The following GDAP2 variants were observed in gnomAD, a reference collection of about 807,000 sequenced individuals.
GDAP2 encodes ganglioside-induced differentiation-associated protein 2.
Under a neutral mutation model 67.0 loss-of-function variants are expected in GDAP2, and 51 were observed. That is an observed-to-expected ratio of 0.76 (90% CI 0.61 to 0.96). GDAP2 has a LOEUF of 0.96. Among genes scored for constraint, GDAP2 ranks in the 40% least tolerant of loss-of-function variants. The pLI, the probability that GDAP2 is intolerant of heterozygous loss-of-function variation, is 0.00. For synonymous variants in GDAP2, 203 were observed against 207.3 expected (o/e 0.98, Z 0.18); for missense variants, 547 against 588.3 (o/e 0.93, Z 0.73).
chr1:117,912,114 T>G (rs769936971), intron 4 of GDAP2, 32 bp from the exon 5 acceptor site: 5 of 1,261,796 alleles, frequency 4.0e-6, no homozygotes, highest in Non-Finnish European at 5.8e-6. Context: ...AAAATTGCAC[T>G]AGAAATATCA....
intron 2 of GDAP2, among the ~76,000 whole-genome samples, chr1:117,919,594 GA>G (rs1650170749): frequency 6.6e-6 from 1 of 152,078 alleles, no homozygotes; most frequent in African/African-American, 2.4e-5. Context: ...TTGGGCTGAT[GA>G]AAATGTTCTA....
chr1:117,884,735 T>A (rs1275613681), intron 10 of GDAP2, among the ~76,000 whole-genome samples: 1 of 151,972 alleles, frequency 6.6e-6, no homozygotes, highest in Non-Finnish European at 1.5e-5. Flanking sequence ...AAAATGAGGG[T>A]CACACTGATT....
In GDAP2 at chr1:117,887,725, C is replaced by G. The variant is rs1648914496; in HGVS notation, c.1003G>C (p.Ala335Pro). The stretch of plus-strand genomic sequence containing the variant: ...GTTTGGTATAAGGCTTTTAGAGAAG[C>G]AATATCAGACAGATCCTCAGATCTT... ...QARSEDLSDI[A>P]SLKALYQTGV... The change falls in exon 9 of 14, where the codon GCT becomes CCT. Residue 335 changes from alanine to proline, a missense_variant. Ala to Pro is a conservative substitution (Grantham distance 27). Coordinates refer to ENST00000369443, the MANE Select transcript of GDAP2 (RefSeq NM_017686.4). 1.3e-5 allele frequency: 20 copies of G among 1,576,378 alleles called. No homozygotes were observed. Among genetic ancestry groups the G allele is most frequent in the Non-Finnish European group, 1.7e-5 (20 of 1,146,322 alleles).
At chr1:117,903,130 A>G (rs563995639) in intron 6 of GDAP2, among the ~76,000 whole-genome samples, 19 of 151,666 alleles carry the variant, frequency 1.3e-4, no homozygotes, top group Non-Finnish European at 2.8e-4. Context: ...CTGTAACCCC[A>G]CTGGAACTCT....
chr1:117,928,272 G>C (rs1650531055), intron 1 of GDAP2, among the ~76,000 whole-genome samples: 1 of 152,126 alleles, frequency 6.6e-6, no homozygotes, highest in Non-Finnish European at 1.5e-5. Context: ...GAGAGAATTC[G>C]CATGTCTTGA....
chr1:117,894,017 G>T (rs994236326), intron 8 of GDAP2, among the ~76,000 whole-genome samples: 3 of 152,084 alleles, frequency 2.0e-5, no homozygotes, highest in African/African-American at 7.2e-5. Flanking sequence ...TTTAATTTCT[G>T]CTAGATTCTC....
chr1:117,874,726 T>C (rs1022595543), intron 13 of GDAP2, among the ~76,000 whole-genome samples: 3 of 152,068 alleles, frequency 2.0e-5, no homozygotes, highest in Admixed American at 6.5e-5. Context: ...TTCTTAGAGA[T>C]TGGTTAAGTG....
chr1:117,897,078 G>A, intron 7 of GDAP2, 89 bp from the exon 8 acceptor site: 1 of 882,196 alleles, frequency 1.1e-6, no homozygotes. Context: ...TGACAGTGAG[G>A]TAACTCAAAA....
At position 117,912,554 on chromosome 1, in the gene GDAP2, T is replaced by G; in HGVS notation, c.446A>C (p.Tyr149Ser). Residue 149 changes from tyrosine (Y) to serine (S), a missense_variant, in exon 4 of 14, where the codon TAC becomes TCC. Physicochemically the swap from Tyr to Ser is moderately radical, Grantham distance 144. Coordinates refer to ENST00000369443, the MANE Select transcript of GDAP2 (RefSeq NM_017686.4). ...TAAESSLYSC[Y>S]RNVLQLAKEQ... is the part of the protein sequence containing the mutation. ...CTTTGCTAGTTGAAGTACGTTTCTG[T>G]AGCAGCTATAAAGGGAACTCTCAGC... The G allele has an allele frequency of 6.2e-7, 1 of 1,613,580 alleles. No homozygotes were observed. The highest frequency in any genetic ancestry group is 8.5e-7 in the Non-Finnish European group (1 of 1,179,572).
chr1:117,902,549 T>C (rs146514070), intron 6 of GDAP2, among the ~76,000 whole-genome samples: 121 of 152,350 alleles, frequency 7.9e-4, no homozygotes, highest in African/African-American at 2.8e-3. Flanking sequence ...ATACTATTCG[T>C]TGAAAAGGCT....
chr1:117,872,396 T>C (rs1648321687), intron 13 of GDAP2, among the ~76,000 whole-genome samples: 1 of 152,118 alleles, frequency 6.6e-6, no homozygotes, highest in South Asian at 2.1e-4. Flanking sequence ...CACATGTATG[T>C]TTACTGCAGC....
chr1:117,916,730 T>G (rs1181873479), intron 3 of GDAP2, among the ~76,000 whole-genome samples: 1 of 152,132 alleles, frequency 6.6e-6, no homozygotes, highest in African/African-American at 2.4e-5. Flanking sequence ...CTAAGGTTCC[T>G]TGAATGAAAA....
chr1:117,877,397 C>CTTT, intron 13 of GDAP2: 3 of 829,782 alleles, frequency 3.6e-6, no homozygotes, highest in Non-Finnish European at 4.3e-6. Context: ...AAGTGTGTTA[C>CTTT]TTTTTTTTTT....
At chr1:117,873,476 T>A (rs924816491) in intron 13 of GDAP2, among the ~76,000 whole-genome samples, 1 of 152,150 alleles carries the variant, frequency 6.6e-6, no homozygotes, top group Non-Finnish European at 1.5e-5. Flanking sequence ...ACCTTCTATA[T>A]GCAAGGCACA....
At chr1:117,926,823 T>C (rs1391835567) in intron 1 of GDAP2, among the ~76,000 whole-genome samples, 2 of 152,136 alleles carry the variant, frequency 1.3e-5, no homozygotes, top group African/African-American at 4.8e-5. Context: ...ATCTCAGTGA[T>C]AGAATGCAAA....
intron 13 of GDAP2, among the ~76,000 whole-genome samples, chr1:117,871,239 A>T (rs578086285): frequency 6.6e-6 from 1 of 152,302 alleles, no homozygotes; most frequent in East Asian, 1.9e-4. Context: ...CAAGATCAAG[A>T]TGGAGAATTA....
At chr1:117,896,648 A>T in intron 8 of GDAP2, 185 bp downstream of exon 8, 1 of 436,942 alleles carries the variant, frequency 2.3e-6, no homozygotes, top group South Asian at 5.4e-5. Flanking sequence ...AACTGTGGCC[A>T]CTGATAACTT....
At chr1:117,887,268 A>C (rs1648889600) in intron 9 of GDAP2, among the ~76,000 whole-genome samples, 1 of 152,162 alleles carries the variant, frequency 6.6e-6, no homozygotes, top group Non-Finnish European at 1.5e-5. Context: ...GCTTAAGCTC[A>C]CTACAACTTT....
At position 117,918,505 on chromosome 1, in the gene GDAP2, C is replaced by T. The variant is rs1186102539; in HGVS notation, c.316+92G>A. 11 of 917,256 alleles carry T rather than the reference C, an allele frequency of 1.2e-5. No individual in the cohort carries two copies. In the Admixed American group the frequency reaches 2.6e-4, roughly 21 times the overall value. 56.8% of individuals were successfully genotyped at this position (917,256 alleles called of 1,614,324 possible). On this transcript the variant is annotated intron_variant, in intron 3 of 13. Coordinates refer to ENST00000369443, the MANE Select transcript of GDAP2 (RefSeq NM_017686.4). ...AACAAAAGAAAAACAGCTACATCTA[C>T]AAAATTTTCCCACAAAACATGCCTC... is the stretch of plus-strand genomic sequence containing the variant.
Sources: gnomAD v4.1 joint callset for allele counts (sites outside exome capture counted in the v4.1 genomes callset) on GRCh38, gnomAD v4.1.1 for gene constraint, MANE v1.5 for transcripts, NCBI Gene and HGNC (gene_info 2026-07-23, HGNC 2026-07-21) for gene names.